RUNX1: variants seen among roughly 807,000 people sequenced by gnomAD.
RUNX1 encodes the protein RUNX family transcription factor 1.
A neutral mutation model predicts 42.8 loss-of-function variants in RUNX1; 19 were observed. The ratio of observed to expected loss-of-function variants is 0.44; its 90% CI spans 0.31 to 0.65. The LOEUF (loss-of-function observed/expected upper bound fraction) is 0.65, where lower values mean the gene tolerates loss of function less well. Among genes scored for constraint, RUNX1 ranks in the 30% least tolerant of loss-of-function variants. The pLI, the probability that RUNX1 is intolerant of heterozygous loss-of-function variation, is 0.07. For missense variants in RUNX1, 528 were observed against 672.0 expected (o/e 0.79, Z 2.37); for synonymous variants, 271 against 289.4 (o/e 0.94, Z 0.64).
chr21:35,016,944 G>A (rs955054015), intron 2 of RUNX1, among the ~76,000 whole-genome samples: 1 of 151,844 alleles, frequency 6.6e-6, no homozygotes, highest in African/African-American at 2.4e-5. Flanking sequence ...GTGGGTGGCA[G>A]GCAGAGAAGC....
At chr21:34,885,926 T>C (rs2734472) in intron 4 of RUNX1, among the ~76,000 whole-genome samples, 3,381 of 152,292 alleles carry the variant, frequency 0.022, 59 homozygotes, top group Middle Eastern at 0.048. Context: ...GCTAGTGTAG[T>C]AGGGTGATTG....
At chr21:34,817,630 G>A (rs75069424) in intron 7 of RUNX1, among the ~76,000 whole-genome samples, 3,823 of 152,180 alleles carry the variant, frequency 0.025, 150 homozygotes, top group African/African-American at 0.086. Flanking sequence ...CCAAGACATG[G>A]CCACTACATG....
At chr21:35,047,057 G>A (rs954141854) in intron 2 of RUNX1, among the ~76,000 whole-genome samples, 7 of 152,002 alleles carry the variant, frequency 4.6e-5, no homozygotes, top group African/African-American at 9.7e-5. Flanking sequence ...CATCTTTGCC[G>A]TTGGCCAGTA....
chr21:34,911,338 G>T (rs773275646), intron 2 of RUNX1, among the ~76,000 whole-genome samples: 6 of 152,176 alleles, frequency 3.9e-5, no homozygotes, highest in Non-Finnish European at 7.4e-5. Context: ...TGCCACCTGC[G>T]TCTATTACCA....
In RUNX1 at chr21:34,790,829, T is replaced by C. The variant is rs2056425002; in HGVS notation, c.*1306A>G. The C allele has an allele frequency of 1.3e-5, 3 of 233,180 alleles. No individual in the cohort carries two copies. The highest frequency in any genetic ancestry group is 1.8e-4 in the South Asian group (1 of 5,530). The allele number at this position is 233,180 out of a possible 1,614,324, so 14.4% of individuals were successfully genotyped here. ...GCTATAATCGTAACCCCTAAATTCA[T>C]TGATTTGGTTCCTATGTAAATGTGG... On this transcript the variant is annotated 3_prime_UTR_variant, in exon 9 of 9. Transcript: ENST00000675419.
chr21:34,842,983 T>C (rs114362780), intron 6 of RUNX1, among the ~76,000 whole-genome samples: 4,797 of 152,162 alleles, frequency 0.032, 93 homozygotes, highest in African/African-American at 0.056. Context: ...GGCAGAAGAA[T>C]TGCTAGAACC....
chr21:34,929,962 G>A (rs943063818), intron 2 of RUNX1, among the ~76,000 whole-genome samples: 1 of 151,646 alleles, frequency 6.6e-6, no homozygotes, highest in Admixed American at 6.6e-5. Context: ...CCCTATAGTA[G>A]ATGCAAAAGA....
At chr21:34,904,840 C>G (rs2146498756) in intron 2 of RUNX1, among the ~76,000 whole-genome samples, 1 of 152,300 alleles carries the variant, frequency 6.6e-6, no homozygotes, top group South Asian at 2.1e-4. Context: ...GGAAGAACCT[C>G]ACGTTTTAGA....
chr21:34,828,220 C>T (rs1352433277), intron 7 of RUNX1, among the ~76,000 whole-genome samples: 2 of 152,232 alleles, frequency 1.3e-5, no homozygotes, highest in Non-Finnish European at 2.9e-5. Context: ...GGAGATTATT[C>T]TCCAGTTTTA....
At chr21:34,994,612 C>G (rs1028371356) in intron 2 of RUNX1, among the ~76,000 whole-genome samples, 8 of 151,966 alleles carry the variant, frequency 5.3e-5, no homozygotes, top group Non-Finnish European at 8.8e-5. Context: ...GCGTATACAC[C>G]TACTATGCAC....
At chr21:35,047,553 ACACACACACTCTCTCT>A (rs1283048526) in intron 2 of RUNX1, among the ~76,000 whole-genome samples, 44 of 89,998 alleles carry the variant, frequency 4.9e-4, no homozygotes, top group Middle Eastern at 6.8e-3. Context: ...ACACACACAC[ACACACACACTCTCTCT>A]CTCTCTCTCT....
At chr21:34,964,487 C>CAAAAAA (rs58388110) in intron 2 of RUNX1, among the ~76,000 whole-genome samples, 2 of 119,332 alleles carry the variant, frequency 1.7e-5, no homozygotes, top group African/African-American at 3.0e-5. Context: ...GACTCCATCT[C>CAAAAAA]AAAAAAAAAA....
intron 7 of RUNX1, among the ~76,000 whole-genome samples, chr21:34,828,642 T>C (rs567469031): frequency 6.4e-4 from 97 of 152,322 alleles, no homozygotes; most frequent in African/African-American, 2.3e-3. Context: ...CATGGCAATG[T>C]TGAGAGGTGG....
chr21:34,890,251 G>T (rs1400639605), intron 3 of RUNX1, among the ~76,000 whole-genome samples: 1 of 151,970 alleles, frequency 6.6e-6, no homozygotes, highest in African/African-American at 2.4e-5. Flanking sequence ...CGCAGTCCCC[G>T]GAGCTCCCGG....
chr21:34,995,148 C>T (rs1055649848), intron 2 of RUNX1, among the ~76,000 whole-genome samples: 3 of 152,224 alleles, frequency 2.0e-5, no homozygotes, highest in Non-Finnish European at 4.4e-5. Flanking sequence ...GGCTCCTGAG[C>T]ATGGCTGGTG....
At chr21:34,973,868 G>C (rs921939988) in intron 2 of RUNX1, among the ~76,000 whole-genome samples, 1 of 152,132 alleles carries the variant, frequency 6.6e-6, no homozygotes, top group Admixed American at 6.5e-5. Flanking sequence ...TCGCTGATAT[G>C]ATGGCTTTAT....
At chr21:34,961,249 C>T (rs562426053) in intron 2 of RUNX1, among the ~76,000 whole-genome samples, 161 of 152,156 alleles carry the variant, frequency 1.1e-3, no homozygotes, top group African/African-American at 3.8e-3. Context: ...TGGCATATGC[C>T]TGTAGTCCCA....
At chr21:35,000,592 G>A (rs1264596937) in intron 2 of RUNX1, among the ~76,000 whole-genome samples, 1 of 151,680 alleles carries the variant, frequency 6.6e-6, no homozygotes, top group Non-Finnish European at 1.5e-5. Flanking sequence ...GCAAACAAAT[G>A]TTTACCATAC....
At chr21:34,980,988 G>A (rs1480268329) in intron 2 of RUNX1, among the ~76,000 whole-genome samples, 3 of 152,152 alleles carry the variant, frequency 2.0e-5, no homozygotes, top group Non-Finnish European at 4.4e-5. Flanking sequence ...AGACGTAGGC[G>A]GAAATTTAAA....
Sources: gnomAD v4.1 joint callset for allele counts (sites outside exome capture counted in the v4.1 genomes callset) on GRCh38, gnomAD v4.1.1 for gene constraint, MANE v1.5 for transcripts, NCBI Gene and HGNC (gene_info 2026-07-23, HGNC 2026-07-21) for gene names.